AUH: variants seen among roughly 807,000 people sequenced by gnomAD.
AUH encodes the protein AU RNA binding methylglutaconyl-CoA hydratase, also known as methylglutaconyl-CoA hydratase, mitochondrial.
In AUH, 29 loss-of-function variants were observed where a neutral mutation model predicts 42.3. That is an observed-to-expected ratio of 0.69 (90% CI 0.51 to 0.93). The LOEUF (loss-of-function observed/expected upper bound fraction) is 0.93, where lower values mean the gene tolerates loss of function less well. AUH is among the 40% of genes least tolerant of loss of function. The pLI is 0.00. For missense variants in AUH, 452 were observed against 438.1 expected (o/e 1.03, Z -0.28); for synonymous variants, 174 against 166.4 (o/e 1.05, Z -0.35).
chr9:91,360,074 T>C (rs1043263544), intron 1 of AUH, among the ~76,000 whole-genome samples: 29 of 152,124 alleles, frequency 1.9e-4, no homozygotes, highest in African/African-American at 6.8e-4. Context: ...TTTTATTATC[T>C]GATATTCTCT....
At chr9:91,316,968 T>C (rs1160673333) in intron 4 of AUH, among the ~76,000 whole-genome samples, 3 of 152,236 alleles carry the variant, frequency 2.0e-5, no homozygotes, top group Non-Finnish European at 4.4e-5. Flanking sequence ...ATTGAAGTTT[T>C]AGTTTCCACT....
At chr9:91,287,213 C>T (rs535251018) in intron 6 of AUH, among the ~76,000 whole-genome samples, 1 of 152,064 alleles carries the variant, frequency 6.6e-6, no homozygotes, top group Admixed American at 6.6e-5. Flanking sequence ...CAAATTCTTG[C>T]CAAAAATGAA....
intron 4 of AUH, among the ~76,000 whole-genome samples, chr9:91,300,520 A>T (rs1441582951): frequency 1.3e-5 from 2 of 152,114 alleles, no homozygotes; most frequent in Non-Finnish European, 2.9e-5. Flanking sequence ...GGAAGTACCT[A>T]ATTAATCTCC....
intron 4 of AUH, among the ~76,000 whole-genome samples, chr9:91,310,457 A>G (rs1435887392): frequency 2.0e-5 from 3 of 152,250 alleles, no homozygotes; most frequent in African/African-American, 4.8e-5. Context: ...GACACTAGGT[A>G]TAAGTGAAGA....
intron 6 of AUH, among the ~76,000 whole-genome samples, chr9:91,281,001 G>A (rs1054653411): frequency 1.5e-4 from 23 of 151,932 alleles, no homozygotes; most frequent in African/African-American, 4.4e-4. Context: ...GTCTGATCGC[G>A]GATTTCTCTG....
intron 6 of AUH, among the ~76,000 whole-genome samples, chr9:91,289,449 G>A (rs915183317): frequency 6.6e-6 from 1 of 152,180 alleles, no homozygotes; most frequent in Non-Finnish European, 1.5e-5. Flanking sequence ...CAATGGCCAA[G>A]CCTTCCCTGC....
chr9:91,272,429 A>T (rs1402370986), intron 6 of AUH, among the ~76,000 whole-genome samples: 1 of 152,172 alleles, frequency 6.6e-6, no homozygotes, highest in Admixed American at 6.5e-5. Flanking sequence ...AGCACATCTT[A>T]GGAGTCAAGG....
chr9:91,319,887 G>T (rs576174397), intron 4 of AUH, among the ~76,000 whole-genome samples: 49 of 152,302 alleles, frequency 3.2e-4, no homozygotes, highest in African/African-American at 1.1e-3. Context: ...CTTGATCCTT[G>T]TGCAAGTTCC....
chr9:91,283,715 C>T (rs1031145879), intron 6 of AUH, among the ~76,000 whole-genome samples: 4 of 151,100 alleles, frequency 2.6e-5, no homozygotes, highest in Non-Finnish European at 5.9e-5. Context: ...ATTCACAATT[C>T]CTTCAAAGAG....
chr9:91,268,695 G>A (rs373668014), intron 6 of AUH, among the ~76,000 whole-genome samples: 3 of 152,108 alleles, frequency 2.0e-5, no homozygotes, highest in African/African-American at 7.2e-5. Context: ...CTCCGAAAGT[G>A]CTAAGATTAC....
chr9:91,217,349 C>G (rs1240997837), intron 7 of AUH, 22 bp from the exon 8 acceptor site: 1 of 1,606,246 alleles, frequency 6.2e-7, no homozygotes, highest in Non-Finnish European at 8.5e-7. Flanking sequence ...ATTAAAGAAA[C>G]AGACTTCAAT....
intron 4 of AUH, among the ~76,000 whole-genome samples, chr9:91,307,770 CAG>C (rs1828344963): frequency 6.6e-6 from 1 of 152,114 alleles, no homozygotes. Flanking sequence ...CAGGAAAAAA[CAG>C]TATATACAGG....
At chr9:91,256,548 A>G (rs1416585829) in intron 6 of AUH, among the ~76,000 whole-genome samples, 1 of 151,942 alleles carries the variant, frequency 6.6e-6, no homozygotes, top group African/African-American at 2.4e-5. Context: ...CTTAACAAGG[A>G]GGGCTGGGAT....
chr9:91,255,439 C>T (rs1379697092), intron 6 of AUH, among the ~76,000 whole-genome samples: 1 of 152,158 alleles, frequency 6.6e-6, no homozygotes, highest in East Asian at 1.9e-4. Flanking sequence ...CGTGCTTTTG[C>T]TGTCCAAGTG....
At chr9:91,290,691 A>T (rs1242616255) in intron 6 of AUH, among the ~76,000 whole-genome samples, 4 of 152,182 alleles carry the variant, frequency 2.6e-5, no homozygotes, top group African/African-American at 9.7e-5. Context: ...AGTTCACAAG[A>T]CAAGACAGAA....
chr9:91,356,309 G>C (rs901187042), intron 1 of AUH, among the ~76,000 whole-genome samples, 154 bp from the exon 2 acceptor site: 4 of 152,132 alleles, frequency 2.6e-5, no homozygotes, highest in Middle Eastern at 3.2e-3. Flanking sequence ...TAAGCACCAA[G>C]ATAATTTGCA....
At chr9:91,262,153 A>C (rs576822922) in intron 6 of AUH, among the ~76,000 whole-genome samples, 1 of 152,204 alleles carries the variant, frequency 6.6e-6, no homozygotes, top group Non-Finnish European at 1.5e-5. Context: ...TTTAAATATT[A>C]TTTTTGCAAA....
At chr9:91,357,019 T>G (rs925971005) in intron 1 of AUH, among the ~76,000 whole-genome samples, 6 of 152,234 alleles carry the variant, frequency 3.9e-5, no homozygotes, top group Non-Finnish European at 4.4e-5. Context: ...GCCTTCGCTG[T>G]GCAAGAAACT....
Position 91,283,999 on chromosome 9 carries a change from T to A in AUH, c.655+12022A>T, listed in dbSNP as rs190800628. Among the ~76,000 whole-genome samples, 1,446 of 149,680 alleles carry A rather than the reference T, an allele frequency of 9.7e-3. 26 individuals are homozygous for A. The highest frequency in any genetic ancestry group is 0.034 in the African/African-American group (1,377 of 40,986). The stretch of plus-strand genomic sequence containing the variant: ...ATGGAAAAAAAAAAAGGGCCCGCAT[T>A]GCCAAGACAATCCTAAGCCAAAAGA... On this transcript the variant is annotated intron_variant, in intron 6 of 9. Transcript: ENST00000375731.
Sources: allele counts gnomAD v4.1 joint callset (sites outside exome capture counted in the v4.1 genomes callset), GRCh38; gene constraint gnomAD v4.1.1; transcripts MANE v1.5; gene names NCBI Gene and HGNC (gene_info 2026-07-23, HGNC 2026-07-21).